The following TMEM108 variants were observed in gnomAD, a reference collection of about 807,000 sequenced individuals.
The protein encoded by TMEM108 is transmembrane protein 108.
A neutral mutation model predicts 35.1 loss-of-function variants in TMEM108; 12 were observed. That is an observed-to-expected ratio of 0.34 (90% CI 0.22 to 0.55). The LOEUF is 0.55. TMEM108 is among the 20% of genes least tolerant of loss of function. The probability of loss-of-function intolerance (pLI) is 0.89; values close to 1 mark genes in which losing one functional copy is unlikely to be tolerated. For missense variants in TMEM108, 680 were observed against 753.3 expected (o/e 0.90, Z 1.14); for synonymous variants, 287 against 308.6 (o/e 0.93, Z 0.73).
intron 3 of TMEM108, among the ~76,000 whole-genome samples, chr3:133,313,375 T>G (rs993367826): frequency 6.6e-6 from 1 of 152,056 alleles, no homozygotes; most frequent in African/African-American, 2.4e-5. Context: ...TTCTTTGTAT[T>G]TTTAGTAGAG....
intron 3 of TMEM108, among the ~76,000 whole-genome samples, chr3:133,284,511 A>C (rs753152524): frequency 2.6e-5 from 4 of 152,098 alleles, no homozygotes; most frequent in Non-Finnish European, 5.9e-5. Flanking sequence ...GGCCACCTTC[A>C]CTACACAATG....
chr3:133,239,054 C>G (rs1946277895), intron 3 of TMEM108, among the ~76,000 whole-genome samples: 1 of 152,136 alleles, frequency 6.6e-6, no homozygotes, highest in Non-Finnish European at 1.5e-5. Context: ...GAGTTCAAGT[C>G]CTGGCATACC....
chr3:133,190,006 A>C (rs1945476154), intron 2 of TMEM108, among the ~76,000 whole-genome samples: 1 of 152,084 alleles, frequency 6.6e-6, no homozygotes, highest in Non-Finnish European at 1.5e-5. Context: ...GGAAGCCCGT[A>C]CCCCAAGAGG....
At chr3:133,219,045 T>C (rs986773325) in intron 2 of TMEM108, among the ~76,000 whole-genome samples, 2 of 152,124 alleles carry the variant, frequency 1.3e-5, no homozygotes, top group African/African-American at 4.8e-5. Context: ...TTTTAATTAC[T>C]GATTCAATTT....
chr3:133,273,796 T>C (rs1946803332), intron 3 of TMEM108, among the ~76,000 whole-genome samples: 1 of 152,154 alleles, frequency 6.6e-6, no homozygotes, highest in Non-Finnish European at 1.5e-5. Flanking sequence ...CATGCCTCCA[T>C]GGTGTTGTTG....
rs1261863434 is a variant in TMEM108 at position 133,379,939 on chromosome 3, G to C, written c.228G>C (p.Gln76His). 3 of 1,612,968 alleles carry C rather than the reference G, an allele frequency of 1.9e-6. No homozygotes were observed. Among genetic ancestry groups the C allele is most frequent in the Middle Eastern group, 1.6e-4 (1 of 6,078 alleles). The change falls in exon 4 of 6, where the codon CAG (glutamine) becomes CAC (histidine). Residue 76 changes from glutamine to histidine, a missense_variant. This residue lies in a region of TMEM108 where 526 missense variants were observed against 532.1 expected (regional missense o/e 0.99). Transcript: ENST00000321871. Reference protein sequence around the residue: ...LTPNPDGPPSQAAAPMATPTP... With the variant: ...LTPNPDGPPSHAAAPMATPTP... Reference sequence around the variant, plus strand: ...CCAATCCCGATGGACCCCCCTCACAGGCTGCAGCTCCCATGGCAACACCGA... The same window carrying C: ...CCAATCCCGATGGACCCCCCTCACACGCTGCAGCTCCCATGGCAACACCGA...
At chr3:133,058,098 A>AG (rs1434424997) in intron 2 of TMEM108, among the ~76,000 whole-genome samples, 1 of 151,686 alleles carries the variant, frequency 6.6e-6, no homozygotes, top group Non-Finnish European at 1.5e-5. Flanking sequence ...GATTTTGAAA[A>AG]AAAAATTGTT....
At chr3:133,325,017 C>T (rs983379550) in intron 3 of TMEM108, among the ~76,000 whole-genome samples, 1 of 152,018 alleles carries the variant, frequency 6.6e-6, no homozygotes, top group African/African-American at 2.4e-5. Context: ...ATGAAAAAGA[C>T]ACAAACACAT....
chr3:133,330,298 A>G (rs1238153928), intron 3 of TMEM108, among the ~76,000 whole-genome samples: 1 of 152,146 alleles, frequency 6.6e-6, no homozygotes, highest in African/African-American at 2.4e-5. Flanking sequence ...GGATTCCTGG[A>G]GAGGCAAAGA....
intron 2 of TMEM108, among the ~76,000 whole-genome samples, chr3:133,064,571 G>T (rs2107684511): frequency 6.6e-6 from 1 of 152,274 alleles, no homozygotes; most frequent in Non-Finnish European, 1.5e-5. Flanking sequence ...GTGATTTTAT[G>T]AAATACTTGA....
chr3:133,145,572 C>T (rs567944992), intron 2 of TMEM108, among the ~76,000 whole-genome samples: 3 of 152,074 alleles, frequency 2.0e-5, no homozygotes, highest in African/African-American at 4.8e-5. Flanking sequence ...GCCATTTTCA[C>T]GATATTGATT....
chr3:133,102,652 A>T (rs981148412), intron 2 of TMEM108, among the ~76,000 whole-genome samples: 1 of 152,230 alleles, frequency 6.6e-6, no homozygotes, highest in South Asian at 2.1e-4. Flanking sequence ...GATAAATGAA[A>T]ATGAATTTCT....
chr3:133,238,621 A>G (rs1374911886), intron 3 of TMEM108, among the ~76,000 whole-genome samples: 1 of 152,156 alleles, frequency 6.6e-6, no homozygotes, highest in East Asian at 1.9e-4. Flanking sequence ...GGTGGGCCTC[A>G]TGGAACAAAA....
chr3:133,146,295 T>G (rs1251442006), intron 2 of TMEM108, among the ~76,000 whole-genome samples: 1 of 152,244 alleles, frequency 6.6e-6, no homozygotes, highest in Non-Finnish European at 1.5e-5. Flanking sequence ...GAACCAGCCT[T>G]GCATCCCTGG....
chr3:133,378,803 C>CT (rs34139600), intron 3 of TMEM108, among the ~76,000 whole-genome samples: 4,185 of 134,398 alleles, frequency 0.031, 104 homozygotes, highest in African/African-American at 0.075. Flanking sequence ...ATACAAAATC[C>CT]TTTTTTTTTT....
chr3:133,351,400 G>A (rs1051413539), intron 3 of TMEM108, among the ~76,000 whole-genome samples: 1 of 152,124 alleles, frequency 6.6e-6, no homozygotes. Flanking sequence ...CCTGCAACTT[G>A]CACATCCTGG....
intron 2 of TMEM108, among the ~76,000 whole-genome samples, chr3:133,064,949 G>C (rs1056573795): frequency 2.6e-5 from 4 of 152,122 alleles, no homozygotes; most frequent in Non-Finnish European, 2.9e-5. Flanking sequence ...CTGTGATAGA[G>C]TCATGATCAT....
At chr3:133,394,995 G>A (rs541106030) in intron 5 of TMEM108, among the ~76,000 whole-genome samples, 1 of 152,338 alleles carries the variant, frequency 6.6e-6, no homozygotes, top group East Asian at 1.9e-4. Context: ...ATTGGAAGAA[G>A]CTATGACTTT....
intron 3 of TMEM108, among the ~76,000 whole-genome samples, chr3:133,244,254 C>CCAT (rs1243369047): frequency 6.6e-6 from 1 of 152,152 alleles, no homozygotes; most frequent in Non-Finnish European, 1.5e-5. Context: ...GTTATTCTTA[C>CCAT]CATCATCATC....
Sources: gnomAD v4.1 joint callset for allele counts (sites outside exome capture counted in the v4.1 genomes callset) on GRCh38, gnomAD v4.1.1 for gene constraint, gnomAD v4.1.1 regional missense constraint, MANE v1.5 for transcripts, NCBI Gene and HGNC (gene_info 2026-07-23, HGNC 2026-07-21) for gene names.